Variants in AGMO observed in about 807,000 individuals in gnomAD.
AGMO encodes glyceryl-ether monooxygenase.
A neutral mutation model predicts 60.2 loss-of-function variants in AGMO; 75 were observed. That is an observed-to-expected ratio of 1.25 (90% CI 1.03 to 1.51). AGMO has a LOEUF of 1.51. AGMO is among the 40% of genes most tolerant of loss of function. The probability of loss-of-function intolerance (pLI) is 0.00; values close to 1 mark genes in which losing one functional copy is unlikely to be tolerated. For synonymous variants in AGMO, 261 were observed against 177.1 expected, an observed-to-expected ratio of 1.47 and a Z score of -3.76; for missense variants, 763 against 525.5, an observed-to-expected ratio of 1.45 and a Z score of -4.42.
At chr7:15,183,344 GAAC>G in the AGMO span, among the ~76,000 whole-genome samples, 1 of 152,084 alleles carries the variant, frequency 6.6e-6, no homozygotes, top group African/African-American at 2.4e-5. Context: ...CAGGGTGAAA[GAAC>G]AATAGACAAG....
chr7:15,311,484 T>TAA (rs1174146514), intron 12 of AGMO, among the ~76,000 whole-genome samples: 2 of 146,210 alleles, frequency 1.4e-5, no homozygotes, highest in African/African-American at 2.5e-5. Context: ...GCAGAGGTAG[T>TAA]AAAAAAAAAA....
intron 12 of AGMO, among the ~76,000 whole-genome samples, chr7:15,232,045 ATC>A (rs1782277827): frequency 6.6e-6 from 1 of 152,136 alleles, no homozygotes; most frequent in Non-Finnish European, 1.5e-5. Flanking sequence ...ATATAATTGT[ATC>A]TGTTTTCAAT....
intron 12 of AGMO, among the ~76,000 whole-genome samples, chr7:15,327,488 G>A (rs993367310): frequency 6.6e-6 from 1 of 152,046 alleles, no homozygotes; most frequent in African/African-American, 2.4e-5. Context: ...AAGATCATTT[G>A]TTCAACACCT....
chr7:15,322,113 C>A (rs1781124701), intron 12 of AGMO, among the ~76,000 whole-genome samples: 1 of 151,630 alleles, frequency 6.6e-6, no homozygotes, highest in Non-Finnish European at 1.5e-5. Flanking sequence ...CAAGTTCAGC[C>A]TGGGCAACAT....
At chr7:15,205,918 GAACT>G (rs1194867118) in intron 12 of AGMO, among the ~76,000 whole-genome samples, 1 of 151,900 alleles carries the variant, frequency 6.6e-6, no homozygotes, top group African/African-American at 2.4e-5. Context: ...CTATTTAATA[GAACT>G]AAAACAATCG....
rs988275751 is a variant in AGMO, at chr7:15,561,978, A to T, written c.-133T>A. On this transcript the variant is annotated 5_prime_UTR_variant, in exon 1 of 13. Coordinates refer to ENST00000342526, the MANE Select transcript of AGMO (RefSeq NM_001004320.2). ...AGAGAACAGCTAAAACCAAAGCTCC[A>T]CTGAGAGCACACTCAACAGCCGATT... 1.8e-5 allele frequency: 15 copies of T among 848,264 alleles called. No individual in the cohort carries two copies. The Admixed American group carries it at 4.3e-4, about 24-fold the overall frequency. The allele number at this position is 848,264 out of a possible 1,614,324, so 52.5% of individuals were successfully genotyped here.
At chr7:15,164,735 C>CA in the AGMO span, among the ~76,000 whole-genome samples, 9 of 151,422 alleles carry the variant, frequency 5.9e-5, no homozygotes, top group African/African-American at 1.2e-4. Context: ...ACTAAAAAGT[C>CA]AAAAAAACAA....
intron 12 of AGMO, among the ~76,000 whole-genome samples, chr7:15,350,525 T>G (rs1042336828): frequency 2.6e-5 from 4 of 152,108 alleles, no homozygotes; most frequent in African/African-American, 9.7e-5. Context: ...GAGCTTACAG[T>G]CACACCTGAT....
intron 12 of AGMO, among the ~76,000 whole-genome samples, chr7:15,296,460 G>A (rs949450253): frequency 2.0e-5 from 3 of 152,106 alleles, no homozygotes; most frequent in Non-Finnish European, 2.9e-5. Flanking sequence ...AGTCCAGATG[G>A]ACTGGACTGT....
At chr7:15,385,682 A>AT in intron 9 of AGMO, 120 bp from the exon 10 acceptor site, 1 of 676,098 alleles carries the variant, frequency 1.5e-6, no homozygotes, top group Non-Finnish European at 2.6e-6. Flanking sequence ...GACAAACATA[A>AT]TTTTTAAAAA....
chr7:15,549,070 T>G (rs1414420949), intron 2 of AGMO, among the ~76,000 whole-genome samples: 1 of 150,108 alleles, frequency 6.7e-6, no homozygotes, highest in East Asian at 1.9e-4. Context: ...CAAACTAAGC[T>G]TCATAAGCGA....
intron 12 of AGMO, among the ~76,000 whole-genome samples, chr7:15,215,796 T>C (rs1781719237): frequency 6.6e-6 from 1 of 152,100 alleles, no homozygotes; most frequent in South Asian, 2.1e-4. Flanking sequence ...AATTTGGAAC[T>C]CAGAATGCCT....
At chr7:15,241,040 A>T (rs1782572662) in intron 12 of AGMO, among the ~76,000 whole-genome samples, 1 of 152,172 alleles carries the variant, frequency 6.6e-6, no homozygotes, top group Non-Finnish European at 1.5e-5. Flanking sequence ...TATATTAAAT[A>T]CATGTTGCCA....
At chr7:15,361,788 A>G (rs1162665289) in intron 12 of AGMO, among the ~76,000 whole-genome samples, 1 of 152,162 alleles carries the variant, frequency 6.6e-6, no homozygotes, top group East Asian at 1.9e-4. Context: ...TAAATTTGAT[A>G]GGCACACACC....
chr7:15,552,440 C>T (rs924105603), intron 2 of AGMO, among the ~76,000 whole-genome samples: 14 of 151,672 alleles, frequency 9.2e-5, no homozygotes, highest in African/African-American at 3.2e-4. Flanking sequence ...GGGCTAATAT[C>T]CAGAATCTAC....
chr7:15,415,573 C>G (rs1186198407), intron 5 of AGMO, among the ~76,000 whole-genome samples: 1 of 151,824 alleles, frequency 6.6e-6, no homozygotes, highest in Admixed American at 6.6e-5. Flanking sequence ...TCATTCGGTT[C>G]AAATCTTCAA....
chr7:15,549,860 A>G (rs1194071721), intron 2 of AGMO, among the ~76,000 whole-genome samples: 10 of 152,062 alleles, frequency 6.6e-5, no homozygotes, highest in African/African-American at 1.9e-4. Context: ...TCAACAGAAT[A>G]TACATTTTTT....
chr7:15,301,147 A>G (rs1784550716), intron 12 of AGMO, among the ~76,000 whole-genome samples: 1 of 152,178 alleles, frequency 6.6e-6, no homozygotes, highest in South Asian at 2.1e-4. Flanking sequence ...CTAATTTAAA[A>G]GCAAATGCTG....
chr7:15,264,106 GA>G (rs1056749860), intron 12 of AGMO, among the ~76,000 whole-genome samples: 3 of 151,652 alleles, frequency 2.0e-5, no homozygotes, highest in Admixed American at 1.3e-4. Flanking sequence ...TTAAATATTA[GA>G]AAAGAGAAGA....
Sources: allele counts gnomAD v4.1 joint callset (sites outside exome capture counted in the v4.1 genomes callset), GRCh38; gene constraint gnomAD v4.1.1; transcripts MANE v1.5; gene names NCBI Gene and HGNC (gene_info 2026-07-23, HGNC 2026-07-21).